Variants in ALK observed in about 807,000 individuals in gnomAD.
ALK encodes the protein ALK receptor tyrosine kinase.
ALK carries 74 observed loss-of-function variants against 163.1 expected under a neutral mutation model. The ratio of observed to expected loss-of-function variants is 0.45; its 90% CI spans 0.38 to 0.55. The LOEUF is 0.55. Among genes scored for constraint, ALK ranks in the 20% least tolerant of loss-of-function variants. The pLI, the probability that ALK is intolerant of heterozygous loss-of-function variation, is 0.00. For missense variants in ALK, 2,063 were observed against 2,105.3 expected (o/e 0.98, Z 0.39); for synonymous variants, 960 against 843.2 (o/e 1.14, Z -2.40).
At chr2:29,399,399 C>A (rs1225659113) in intron 4 of ALK, among the ~76,000 whole-genome samples, 1 of 152,184 alleles carries the variant, frequency 6.6e-6, no homozygotes, top group African/African-American at 2.4e-5. Context: ...CTCCCTGTTT[C>A]CACACATACA....
At chr2:29,259,590 G>A (rs774832752) in intron 11 of ALK, among the ~76,000 whole-genome samples, 13 of 152,040 alleles carry the variant, frequency 8.6e-5, no homozygotes, top group Non-Finnish European at 1.2e-4. Flanking sequence ...GTTATATAAA[G>A]TGTTGCTGTC....
chr2:29,813,172 G>A (rs374504665), intron 1 of ALK, among the ~76,000 whole-genome samples: 1 of 152,146 alleles, frequency 6.6e-6, no homozygotes, highest in Non-Finnish European at 1.5e-5. Context: ...GGCTGACTCC[G>A]ACAGAGTACA....
At chr2:29,606,826 C>G (rs1163396764) in intron 3 of ALK, among the ~76,000 whole-genome samples, 2 of 152,214 alleles carry the variant, frequency 1.3e-5, no homozygotes, top group African/African-American at 4.8e-5. Context: ...TGATCTTGTT[C>G]ACTCTTTCCT....
At chr2:29,406,702 C>A (rs866061239) in intron 4 of ALK, among the ~76,000 whole-genome samples, 33 of 152,032 alleles carry the variant, frequency 2.2e-4, no homozygotes, top group African/African-American at 7.5e-4. Flanking sequence ...GAGATCGAGA[C>A]CATCCTGGCC....
intron 1 of ALK, among the ~76,000 whole-genome samples, chr2:29,798,188 T>C (rs1024107236): frequency 6.6e-6 from 1 of 152,200 alleles, no homozygotes; most frequent in Non-Finnish European, 1.5e-5. Context: ...GAAATAACCA[T>C]CACCATGTTG....
Position 29,705,623 on chromosome 2 carries a change from C to T in ALK, c.788-10609G>A, listed in dbSNP as rs549216830. ...AGCACAGATCCTGCATGAGGTCAGG[C>T]TCCCAAGTTGGAAATTTGGCTGTGC... On this transcript the variant is annotated intron_variant, in intron 2 of 28. Coordinates refer to ENST00000389048, the MANE Select transcript of ALK (RefSeq NM_004304.5). Among the ~76,000 whole-genome samples the T allele has an allele frequency of 3.9e-5, 6 of 152,186 alleles. No individual in the cohort carries two copies. In the South Asian group the frequency reaches 1.2e-3, roughly 32 times the overall value.
intron 1 of ALK, among the ~76,000 whole-genome samples, chr2:29,857,942 G>A (rs543784747): frequency 6.6e-6 from 1 of 152,272 alleles, no homozygotes; most frequent in South Asian, 2.1e-4. Flanking sequence ...TCTGCCAATG[G>A]TAACATCTTC....
chr2:29,378,092 T>C (rs915083864), intron 5 of ALK, among the ~76,000 whole-genome samples: 3 of 152,242 alleles, frequency 2.0e-5, no homozygotes, highest in African/African-American at 7.2e-5. Context: ...ACACAGGAGC[T>C]ATCTACATTT....
At chr2:29,492,372 T>C (rs755803044) in intron 4 of ALK, among the ~76,000 whole-genome samples, 10 of 152,160 alleles carry the variant, frequency 6.6e-5, no homozygotes, top group Non-Finnish European at 1.3e-4. Flanking sequence ...AAATAAAATA[T>C]AGTGCCTGAC....
At chr2:29,868,784 T>C (rs1236219470) in intron 1 of ALK, among the ~76,000 whole-genome samples, 1 of 152,164 alleles carries the variant, frequency 6.6e-6, no homozygotes, top group Non-Finnish European at 1.5e-5. Flanking sequence ...GGAGGTGGGG[T>C]TGATGTTCCC....
intron 18 of ALK, 134 bp downstream of exon 18, chr2:29,226,788 T>C: frequency 9.0e-7 from 1 of 1,106,296 alleles, no homozygotes; most frequent in South Asian, 1.3e-5. Flanking sequence ...GCACTCGAGC[T>C]GTGGCAGGTA....
At chr2:29,580,795 G>A (rs1288787138) in intron 3 of ALK, among the ~76,000 whole-genome samples, 2 of 152,236 alleles carry the variant, frequency 1.3e-5, no homozygotes, top group Non-Finnish European at 2.9e-5. Flanking sequence ...GCTGCCCAAT[G>A]GCGGGGAGTC....
chr2:29,761,089 T>C (rs926950816), intron 1 of ALK, among the ~76,000 whole-genome samples: 4 of 152,088 alleles, frequency 2.6e-5, no homozygotes, highest in African/African-American at 9.7e-5. Flanking sequence ...CTTGGAACCA[T>C]GTTGTAGCAA....
At chr2:29,521,998 T>G (rs983082457) in intron 4 of ALK, among the ~76,000 whole-genome samples, 5 of 152,222 alleles carry the variant, frequency 3.3e-5, no homozygotes, top group African/African-American at 1.2e-4. Context: ...ACTTTGCCAT[T>G]TATTGCGGAC....
intron 12 of ALK, among the ~76,000 whole-genome samples, chr2:29,243,698 G>A (rs1006383166): frequency 2.0e-5 from 3 of 152,300 alleles, no homozygotes; most frequent in East Asian, 3.9e-4. Flanking sequence ...TGTGAATCAC[G>A]TTACACAAAC....
At chr2:29,322,901 AT>A (rs1394347428) in intron 6 of ALK, among the ~76,000 whole-genome samples, 1 of 152,198 alleles carries the variant, frequency 6.6e-6, no homozygotes, top group African/African-American at 2.4e-5. Context: ...CCAGTGGGTG[AT>A]GGATTCCTGG....
intron 4 of ALK, among the ~76,000 whole-genome samples, chr2:29,440,576 CA>C (rs1350319137): frequency 6.6e-6 from 1 of 152,096 alleles, no homozygotes; most frequent in Non-Finnish European, 1.5e-5. Flanking sequence ...CTTGGCCTCC[CA>C]AAGTGCTGGG....
At chr2:29,380,582 C>T (rs1420738132) in intron 5 of ALK, among the ~76,000 whole-genome samples, 1 of 152,124 alleles carries the variant, frequency 6.6e-6, no homozygotes, top group African/African-American at 2.4e-5. Context: ...CCACGCCTGG[C>T]TAATTTTTGT....
chr2:29,832,768 G>T (rs1261540582), intron 1 of ALK, among the ~76,000 whole-genome samples: 1 of 152,178 alleles, frequency 6.6e-6, no homozygotes, highest in Non-Finnish European at 1.5e-5. Flanking sequence ...TCTGAGTGAG[G>T]CACTGCCCAT....
Sources: gnomAD v4.1 joint callset for allele counts (sites outside exome capture counted in the v4.1 genomes callset) on GRCh38, gnomAD v4.1.1 for gene constraint, MANE v1.5 for transcripts, NCBI Gene and HGNC (gene_info 2026-07-23, HGNC 2026-07-21) for gene names.